The following USP9X variants were observed in gnomAD, a reference collection of about 807,000 sequenced individuals.
USP9X encodes ubiquitin carboxyl-terminal hydrolase 9X.
USP9X carries 7 observed loss-of-function variants against 190.3 expected under a neutral mutation model. The observed-to-expected ratio is 0.04, with a 90% confidence interval of 0.02 to 0.07. The LOEUF (loss-of-function observed/expected upper bound fraction) is 0.07. Among genes scored for constraint, USP9X ranks in the 10% least tolerant of loss-of-function variants. USP9X has a pLI of 1.00. For synonymous variants in USP9X, 645 were observed against 659.5 expected (o/e 0.98, Z 0.34); for missense variants, 1,010 against 1,916.9 (o/e 0.53, Z 8.83).
intron 1 of USP9X, among the ~76,000 whole-genome samples, chrX:41,088,849 G>A (rs780241384): frequency 6.3e-5 from 7 of 111,037 alleles, no homozygotes; most frequent in African/African-American, 2.0e-4. Flanking sequence ...GCCATCCTGT[G>A]TATTGCTAAG....
chrX:41,170,285 A>G (rs1176699412), intron 19 of USP9X, 50 bp downstream of exon 19: 8 of 1,144,989 alleles, frequency 7.0e-6, no homozygotes, highest in South Asian at 5.9e-5. Context: ...ACCAGAGACT[A>G]TCGTTTAATC....
At chrX:41,209,596 T>C (rs1441290480) in intron 32 of USP9X, among the ~76,000 whole-genome samples, 1 of 111,913 alleles carries the variant, frequency 8.9e-6, no homozygotes, top group Non-Finnish European at 1.9e-5. Flanking sequence ...ATTAGTTGAT[T>C]ACATGTTTGA....
chrX:41,090,638 A>G (rs750807325), intron 1 of USP9X, among the ~76,000 whole-genome samples: 7 of 112,243 alleles, frequency 6.2e-5, no homozygotes, highest in African/African-American at 2.3e-4. Flanking sequence ...TATTTGCTCT[A>G]TAGGTGAGTC....
chrX:41,204,810 G>A (rs765020890), intron 31 of USP9X, among the ~76,000 whole-genome samples: 1 of 111,890 alleles, frequency 8.9e-6, no homozygotes, highest in East Asian at 2.8e-4. Flanking sequence ...ATGTTCACAT[G>A]ACAAAATACC....
intron 26 of USP9X, among the ~76,000 whole-genome samples, chrX:41,191,928 T>G (rs1000756613): frequency 2.7e-5 from 3 of 111,412 alleles, no homozygotes; most frequent in Non-Finnish European, 3.8e-5. Context: ...GCCAGTGCGC[T>G]CTCTCTCTCC....
At chrX:41,131,424 A>G (rs1228086125) in intron 3 of USP9X, 33 bp from the exon 4 acceptor site, 6 of 1,168,429 alleles carry the variant, frequency 5.1e-6, no homozygotes, top group Non-Finnish European at 2.3e-6. Context: ...GTGTACAACC[A>G]TTAAGCATGT....
intron 31 of USP9X, among the ~76,000 whole-genome samples, chrX:41,204,043 A>C (rs996993170): frequency 2.7e-5 from 3 of 111,664 alleles, no homozygotes; most frequent in African/African-American, 9.8e-5. Flanking sequence ...ACCATTTTAC[A>C]TTCCTACCAG....
chrX:41,215,836 GT>G (rs200417100), intron 34 of USP9X, 62 bp from the exon 35 acceptor site: 28,948 of 756,548 alleles, frequency 0.038, no homozygotes, highest in Non-Finnish European at 0.039. Flanking sequence ...TTTGCTTGGG[GT>G]TTTTTTTTTT....
intron 21 of USP9X, among the ~76,000 whole-genome samples, chrX:41,175,070 T>C (rs1391905402): frequency 8.9e-6 from 1 of 112,583 alleles, no homozygotes; most frequent in East Asian, 2.8e-4. Context: ...TTTATATCTG[T>C]ATGAAATCAT....
chrX:41,148,284 GAATTTGAATAT>G, intron 11 of USP9X, 74 bp from the exon 12 acceptor site: 1 of 1,016,735 alleles, frequency 9.8e-7, no homozygotes, highest in African/African-American at 1.9e-5. Context: ...TGCTTTTGAT[GAATTTGAATAT>G]AGTTAACCTG....
At chrX:41,190,820 T>A (rs2267493) in intron 26 of USP9X, among the ~76,000 whole-genome samples, 15,223 of 111,082 alleles carry the variant, frequency 0.14, 952 homozygotes, top group East Asian at 0.22. Context: ...AGTGCGGTAA[T>A]GTACTGTAGA....
At chrX:41,097,312 A>G (rs1250432447) in intron 1 of USP9X, among the ~76,000 whole-genome samples, 1 of 112,382 alleles carries the variant, frequency 8.9e-6, no homozygotes, top group African/African-American at 3.2e-5. Context: ...TACACAGATA[A>G]ATACAGTAAT....
At chrX:41,106,731 A>G (rs2062072376) in intron 1 of USP9X, among the ~76,000 whole-genome samples, 2 of 107,917 alleles carry the variant, frequency 1.9e-5, no homozygotes, top group South Asian at 4.0e-4. Flanking sequence ...GGGTTTTGCC[A>G]TGTTGGCTAG....
At chrX:41,135,505 AAC>A (rs1446003320) in intron 5 of USP9X, among the ~76,000 whole-genome samples, 2 of 111,875 alleles carry the variant, frequency 1.8e-5, no homozygotes. Context: ...CATTTAGGAA[AAC>A]AGTAATGTAT....
intron 32 of USP9X, among the ~76,000 whole-genome samples, chrX:41,209,417 A>G (rs1197160769): frequency 9.0e-6 from 1 of 110,614 alleles, no homozygotes; most frequent in African/African-American, 3.3e-5. Context: ...TTTATGTTAA[A>G]TGTTGAGGGG....
At position 41,230,546 on chromosome X, in the gene USP9X, C is replaced by T; in HGVS notation, c.7477C>T (p.Pro2493Ser). ...TCCAGATGAACATGAGTCGCCTCCA[C>T]CTGAAGATGCCCCATTGTACCCCCA... ...DAPDEHESPP[P>S]EDAPLYPHSP... Residue 2493 changes from proline to serine, a missense_variant, in exon 44 of 45, where the codon CCT (proline) becomes TCT (serine). By Grantham distance (74) the Pro-to-Ser change is moderately conservative. Coordinates refer to ENST00000378308, the MANE Select transcript of USP9X (RefSeq NM_001039591.3). The T allele has an allele frequency of 1.7e-6, 2 of 1,210,977 alleles. No homozygotes were observed. Among genetic ancestry groups the T allele is most frequent in the Non-Finnish European group, 2.2e-6 (2 of 895,202 alleles).
chrX:41,200,992 T>A (rs1863152264), intron 30 of USP9X, 68 bp from the exon 31 acceptor site: 1 of 1,089,384 alleles, frequency 9.2e-7, no homozygotes, highest in African/African-American at 1.8e-5. Flanking sequence ...GGTTGCTTTG[T>A]CAGCATAATA....
intron 38 of USP9X, among the ~76,000 whole-genome samples, chrX:41,221,597 A>G (rs1293690295): frequency 9.0e-6 from 1 of 111,378 alleles, no homozygotes; most frequent in African/African-American, 3.3e-5. Context: ...ATTGGATGGG[A>G]TGAAAATTGT....
intron 1 of USP9X, 150 bp downstream of exon 1, chrX:41,086,259 C>T: frequency 3.5e-6 from 1 of 284,893 alleles, no homozygotes; most frequent in Non-Finnish European, 6.2e-6. Context: ...GTTCCCCCTC[C>T]TCCGGCCCGG....
Sources: gnomAD v4.1 joint callset for allele counts (sites outside exome capture counted in the v4.1 genomes callset) on GRCh38, gnomAD v4.1.1 for gene constraint, MANE v1.5 for transcripts, NCBI Gene and HGNC (gene_info 2026-07-23, HGNC 2026-07-21) for gene names.